Variants in MECR observed in about 807,000 individuals in gnomAD.
MECR encodes mitochondrial trans-2-enoyl-CoA reductase.
MECR carries 37 observed loss-of-function variants against 49.1 expected under a neutral mutation model. That is an observed-to-expected ratio of 0.75 (90% confidence interval 0.58 to 0.99). MECR has a LOEUF of 0.99. MECR is among the 50% of genes least tolerant of loss of function. The pLI is 0.00. For synonymous variants in MECR, 198 were observed against 191.1 expected (o/e 1.04, Z -0.30); for missense variants, 470 against 479.6 (o/e 0.98, Z 0.19).
chr1:29,199,492 G>A (rs1156692270), intron 7 of MECR, among the ~76,000 whole-genome samples: 3 of 152,150 alleles, frequency 2.0e-5, no homozygotes, highest in African/African-American at 4.8e-5. Flanking sequence ...CTCCCAAAGT[G>A]CTGGGATTAT....
chr1:29,209,646 G>A (rs79584455), intron 3 of MECR, among the ~76,000 whole-genome samples: 2 of 151,992 alleles, frequency 1.3e-5, no homozygotes, highest in Non-Finnish European at 2.9e-5. Context: ...CTGCGTGAGG[G>A]GTCTGCACTC....
chr1:29,169,968 A>G, the MECR span: 1 of 152,242 alleles, frequency 6.6e-6, no homozygotes, highest in East Asian at 1.9e-4. Context: ...TTCAAAAATG[A>G]ACTAAGTCAG....
At chr1:29,196,404 C>T (rs1401559192) in intron 7 of MECR, 146 bp from the exon 8 acceptor site, 18 of 755,054 alleles carry the variant, frequency 2.4e-5, no homozygotes, top group Non-Finnish European at 3.4e-5. Flanking sequence ...ATACAGATTC[C>T]AGCTGGGAGC....
At chr1:29,229,394 G>A (rs1682908606) in intron 1 of MECR, among the ~76,000 whole-genome samples, 1 of 152,094 alleles carries the variant, frequency 6.6e-6, no homozygotes, top group Non-Finnish European at 1.5e-5. Flanking sequence ...TAGTAGAGAT[G>A]GGGTTTCGCC....
intron 1 of MECR, among the ~76,000 whole-genome samples, chr1:29,225,295 C>T (rs1681777037): frequency 6.6e-6 from 1 of 152,102 alleles, no homozygotes; most frequent in South Asian, 2.1e-4. Flanking sequence ...TCTCTTCCCT[C>T]GGGGTCTCTG....
intron 4 of MECR, among the ~76,000 whole-genome samples, chr1:29,203,479 T>A (rs1039502704): frequency 2.6e-5 from 4 of 152,252 alleles, no homozygotes; most frequent in Non-Finnish European, 5.9e-5. Context: ...GGATATAATT[T>A]AGACCCTGCC....
intron 3 of MECR, among the ~76,000 whole-genome samples, chr1:29,207,459 A>C (rs1295793019): frequency 2.0e-5 from 3 of 151,808 alleles, no homozygotes; most frequent in Non-Finnish European, 4.4e-5. Flanking sequence ...ATGTAGTAAA[A>C]ATGGGGTGTG....
chr1:29,202,511 G>A (rs1321521680), intron 5 of MECR, among the ~76,000 whole-genome samples: 1 of 152,188 alleles, frequency 6.6e-6, no homozygotes, highest in Non-Finnish European at 1.5e-5. Flanking sequence ...TATACTAAGA[G>A]TGGGCTTCCA....
At chr1:29,206,940 G>A (rs1413755796) in intron 3 of MECR, 35 bp from the exon 4 acceptor site, 1 of 1,611,944 alleles carries the variant, frequency 6.2e-7, no homozygotes, top group African/African-American at 1.3e-5. Flanking sequence ...TCATAAGGAA[G>A]GAGCCCTGTG....
At chr1:29,178,338 T>C in the MECR span, among the ~76,000 whole-genome samples, 4 of 135,874 alleles carry the variant, frequency 2.9e-5, no homozygotes, top group Admixed American at 1.5e-4. Flanking sequence ...AAAATCTGTT[T>C]CTGAGTTTCA....
At chr1:29,181,830 A>AGCGGCG in the MECR span, 4 of 1,247,902 alleles carry the variant, frequency 3.2e-6, no homozygotes, top group African/African-American at 1.6e-5. Flanking sequence ...GCACGGCGGC[A>AGCGGCG]GCGGCGGCGG....
chr1:29,220,909 C>T (rs1347651897), intron 1 of MECR: 1 of 985,304 alleles, frequency 1.0e-6, no homozygotes, highest in East Asian at 1.1e-4. Flanking sequence ...GGAACAATTC[C>T]CTGGTTATAC....
At chr1:29,175,683 A>C in the MECR span, among the ~76,000 whole-genome samples, 105 of 109,040 alleles carry the variant, frequency 9.6e-4, 1 homozygote, top group Middle Eastern at 4.8e-3. Context: ...CGACAGAGCC[A>C]GACGCTGTCT....
intron 3 of MECR, among the ~76,000 whole-genome samples, chr1:29,215,645 C>T (rs919344461): frequency 3.6e-4 from 54 of 150,820 alleles, no homozygotes; most frequent in African/African-American, 9.3e-4. Flanking sequence ...CCGAGGCAGG[C>T]GGATCCCTGA....
chr1:29,224,894 A>C (rs1681667447), intron 1 of MECR: 1 of 152,268 alleles, frequency 6.6e-6, no homozygotes, highest in African/African-American at 2.4e-5. Context: ...CAGGGTGGGA[A>C]AGGCCAGTTC....
the MECR span, among the ~76,000 whole-genome samples, chr1:29,176,159 G>C: frequency 1.3e-5 from 2 of 152,142 alleles, no homozygotes; most frequent in East Asian, 3.8e-4. Context: ...GGCTGAGGCA[G>C]GAGAATTGCT....
intron 7 of MECR, among the ~76,000 whole-genome samples, chr1:29,198,909 G>A (rs1298824989): frequency 6.6e-6 from 1 of 152,142 alleles, no homozygotes; most frequent in Non-Finnish European, 1.5e-5. Context: ...GAGCCACTGC[G>A]CCCGGCCTGG....
intron 1 of MECR, among the ~76,000 whole-genome samples, chr1:29,226,370 C>A (rs1010910901): frequency 5.3e-5 from 8 of 152,032 alleles, no homozygotes; most frequent in African/African-American, 1.9e-4. Context: ...AGGATTGGGG[C>A]TGCCCTTTCT....
the MECR span, among the ~76,000 whole-genome samples, chr1:29,179,576 T>C: frequency 6.6e-6 from 1 of 152,200 alleles, no homozygotes; most frequent in Non-Finnish European, 1.5e-5. Flanking sequence ...CTCAAACTCC[T>C]GGCCTGAAGT....
Sources: gnomAD v4.1 joint callset for allele counts (sites outside exome capture counted in the v4.1 genomes callset) on GRCh38, gnomAD v4.1.1 for gene constraint, MANE v1.5 for transcripts, NCBI Gene and HGNC (gene_info 2026-07-23, HGNC 2026-07-21) for gene names.